TDRD9: variants seen among roughly 807,000 people sequenced by gnomAD.
TDRD9 encodes the protein tudor domain containing 9.
TDRD9 carries 124 observed loss-of-function variants against 172.6 expected under a neutral mutation model. The observed-to-expected ratio is 0.72, with a 90% CI of 0.62 to 0.83. The LOEUF (loss-of-function observed/expected upper bound fraction) is 0.83. TDRD9 is among the 40% of genes least tolerant of loss of function. TDRD9 has a pLI of 0.00. For missense variants in TDRD9, 1,479 were observed against 1,714.1 expected (o/e 0.86, Z 2.42); for synonymous variants, 619 against 617.1 (o/e 1.00, Z -0.05).
At chr14:104,010,569 CTT>C (rs147141939) in intron 20 of TDRD9, among the ~76,000 whole-genome samples, 104 of 134,784 alleles carry the variant, frequency 7.7e-4, no homozygotes, top group Middle Eastern at 7.5e-3. Context: ...TGTTTGTTTC[CTT>C]TTTTTTTTTT....
chr14:103,955,868 A>T, intron 2 of TDRD9, 98 bp downstream of exon 2: 1 of 1,009,862 alleles, frequency 9.9e-7, no homozygotes, highest in Non-Finnish European at 1.5e-6. Context: ...CCAGCTACTC[A>T]GGAGGCTGAG....
chr14:103,941,237 G>T (rs535311906), intron 1 of TDRD9: 3 of 950,462 alleles, frequency 3.2e-6, no homozygotes, highest in African/African-American at 3.3e-5. Flanking sequence ...TTAAAATTAT[G>T]CTTCTAGTAA....
intron 1 of TDRD9, among the ~76,000 whole-genome samples, chr14:103,939,325 C>T (rs188357800): frequency 4.3e-4 from 66 of 152,290 alleles, no homozygotes; most frequent in African/African-American, 1.5e-3. Flanking sequence ...AAATTTTGTT[C>T]TCACCATTAA....
At chr14:103,976,538 G>A (rs1392580599) in intron 7 of TDRD9, among the ~76,000 whole-genome samples, 1 of 151,148 alleles carries the variant, frequency 6.6e-6, no homozygotes, top group African/African-American at 2.4e-5. Flanking sequence ...TGGGATTACA[G>A]GCATGAGCCA....
chr14:103,973,696 A>C (rs2033128658), intron 6 of TDRD9, among the ~76,000 whole-genome samples: 1 of 152,144 alleles, frequency 6.6e-6, no homozygotes, highest in African/African-American at 2.4e-5. Flanking sequence ...CTTAAAACCC[A>C]GTTTAGAGAT....
intron 29 of TDRD9, 54 bp from the exon 30 acceptor site, chr14:104,031,963 A>G (rs1298549730): frequency 2.5e-5 from 30 of 1,211,632 alleles, no homozygotes; most frequent in Non-Finnish European, 3.3e-5. Context: ...TTAAAAATTC[A>G]TGTTAAGTGT....
In TDRD9 at chr14:104,029,964, A is replaced by G. The variant is rs1005050628; in HGVS notation, c.3283-1144A>G. ...AGGCCACTTTTGAAGCTCATGTTGA[A>G]GGTCTTTTACTTCTGTTATTTCTGC... On this transcript the variant is annotated intron_variant, in intron 28 of 35. Coordinates refer to ENST00000409874, the MANE Select transcript of TDRD9 (RefSeq NM_153046.3). Among the ~76,000 whole-genome samples the G allele has an allele frequency of 5.9e-5, 9 of 152,284 alleles. 1 individual carries two copies. Among genetic ancestry groups the G allele is most frequent in the Admixed American group, 5.9e-4 (9 of 15,294 alleles).
intron 20 of TDRD9, among the ~76,000 whole-genome samples, chr14:104,012,025 G>A (rs901664749): frequency 1.3e-5 from 2 of 152,198 alleles, no homozygotes; most frequent in African/African-American, 4.8e-5. Context: ...GCAACAGTGT[G>A]CGATGACAGG....
chr14:103,970,302 C>G (rs772829106), intron 5 of TDRD9, among the ~76,000 whole-genome samples: 1 of 152,100 alleles, frequency 6.6e-6, no homozygotes, highest in Non-Finnish European at 1.5e-5. Flanking sequence ...ATTACTCTGC[C>G]GTCTCTCAGG....
rs529357620 is a variant in TDRD9, at chr14:103,994,726, T to C, written c.1320+123T>C. ...GTGTGTTTCCAGCACTGTGAGAGGC[T>C]GAGGTGGGTGAATCATTTGAGCTCA... On this transcript the variant is annotated intron_variant, in intron 11 of 35. Transcript: ENST00000409874. 145 of 708,496 alleles carry C rather than the reference T, an allele frequency of 2.0e-4. 1 individual carries two copies. In the African/African-American group the frequency reaches 2.3e-3, roughly 11 times the overall value. The allele number at this position is 708,496 out of a possible 1,614,324, so 43.9% of individuals were successfully genotyped here. A position where few individuals can be genotyped will look rare whatever the true frequency, so the allele number is the denominator to read the frequency against.
intron 13 of TDRD9, 149 bp downstream of exon 13, chr14:103,998,877 C>T (rs1377702496): frequency 9.5e-6 from 5 of 526,334 alleles, no homozygotes; most frequent in Non-Finnish European, 1.3e-5. Context: ...ACTGCAAGCT[C>T]CGCTTCCCGG....
chr14:103,987,938 C>T (rs898934194), intron 8 of TDRD9, among the ~76,000 whole-genome samples: 1 of 152,152 alleles, frequency 6.6e-6, no homozygotes, highest in Non-Finnish European at 1.5e-5. Flanking sequence ...TTGCTAGATG[C>T]ATATATGTTT....
At chr14:103,972,698 A>ATT (rs2033084720) in intron 6 of TDRD9, among the ~76,000 whole-genome samples, 1 of 152,160 alleles carries the variant, frequency 6.6e-6, no homozygotes, top group Non-Finnish European at 1.5e-5. Flanking sequence ...ACCATAAAGC[A>ATT]TTTTGTCTTC....
intron 30 of TDRD9, among the ~76,000 whole-genome samples, chr14:104,032,541 A>G (rs912226708): frequency 6.6e-6 from 1 of 152,158 alleles, no homozygotes; most frequent in Non-Finnish European, 1.5e-5. Context: ...TTTCTCTCCC[A>G]GCTCCTGATT....
At chr14:104,023,955 G>C (rs1367360218) in intron 24 of TDRD9, among the ~76,000 whole-genome samples, 1 of 152,190 alleles carries the variant, frequency 6.6e-6, no homozygotes, top group African/African-American at 2.4e-5. Flanking sequence ...ATTGGGAAAA[G>C]AGTTGGATCA....
At chr14:103,964,395 G>A (rs777480487) in intron 3 of TDRD9, among the ~76,000 whole-genome samples, 10 of 152,180 alleles carry the variant, frequency 6.6e-5, no homozygotes, top group Admixed American at 4.6e-4. Context: ...AGAAACTTGG[G>A]AAGAGTCATA....
chr14:103,934,395 T>A (rs1258316318), intron 1 of TDRD9, among the ~76,000 whole-genome samples: 2 of 152,202 alleles, frequency 1.3e-5, no homozygotes, highest in Admixed American at 1.3e-4. Flanking sequence ...AAAGTGCTGG[T>A]GCATGTTCTC....
chr14:103,984,862 C>T (rs2033605513), intron 7 of TDRD9, among the ~76,000 whole-genome samples: 1 of 152,190 alleles, frequency 6.6e-6, no homozygotes, highest in Non-Finnish European at 1.5e-5. Flanking sequence ...CTGTACTCTG[C>T]AAAGCCACAG....
At position 104,016,031 on chromosome 14, in the gene TDRD9, G is replaced by A. The variant is rs141490953; in HGVS notation, c.2274G>A (p.Pro758=). The A allele has an allele frequency of 1.1e-3, 1,707 of 1,603,370 alleles. 27 individuals carry two copies. The South Asian group carries it at 0.012, about 12-fold the overall frequency. ...CAAATTACTTTACTTTTGGACAGCCGGATGAGGAGATGGCGGTGAGGGAGC... is the reference window on the plus strand; with the variant it reads ...CAAATTACTTTACTTTTGGACAGCCAGATGAGGAGATGGCGGTGAGGGAGC... The part of the protein sequence containing the change: ...FYPNYFTFGQ[P]DEEMAVRELA... The change falls in exon 22 of 36, where the codon CCG becomes CCA. Residue 758 remains proline, a synonymous_variant. Coordinates refer to ENST00000409874, the MANE Select transcript of TDRD9 (RefSeq NM_153046.3).
Sources: gnomAD v4.1 joint callset for allele counts (sites outside exome capture counted in the v4.1 genomes callset) on GRCh38, gnomAD v4.1.1 for gene constraint, MANE v1.5 for transcripts, NCBI Gene and HGNC (gene_info 2026-07-23, HGNC 2026-07-21) for gene names.